Variants in LARGE1 observed in about 807,000 individuals in gnomAD.
The protein encoded by LARGE1 is LARGE xylosyl- and glucuronyltransferase 1, also known as xylosyl- and glucuronyltransferase LARGE1.
A neutral mutation model predicts 87.6 loss-of-function variants in LARGE1; 43 were observed. The observed-to-expected ratio is 0.49, with a 90% CI of 0.38 to 0.63. The LOEUF is 0.63. Ranked by LOEUF, LARGE1 falls within the 30% of genes least tolerant of loss-of-function variation. LARGE1 has a pLI of 0.00. For missense variants in LARGE1, 802 were observed against 1,000.2 expected, an observed-to-expected ratio of 0.80 and a Z score of 2.67; for synonymous variants, 434 against 394.6, an observed-to-expected ratio of 1.10 and a Z score of -1.18.
At chr22:33,514,236 T>A (rs1006369724) in intron 6 of LARGE1, among the ~76,000 whole-genome samples, 12 of 151,754 alleles carry the variant, frequency 7.9e-5, no homozygotes, top group Non-Finnish European at 1.8e-4. Context: ...ACTGTGTGTG[T>A]ATACATCTCA....
rs117767719 is a variant in LARGE1 at position 33,284,265 on chromosome 22, G to A, written c.1731-917C>T. Among the ~76,000 whole-genome samples, 69 of 152,288 alleles carry A rather than the reference G, an allele frequency of 4.5e-4. No individual in the cohort carries two copies. The East Asian group carries it at 9.6e-3, about 21-fold the overall frequency. On this transcript the variant is annotated intron_variant, in intron 12 of 14. Coordinates refer to ENST00000397394, the MANE Select transcript of LARGE1 (RefSeq NM_133642.5). ...GAGCAGGTGGACAGAGAGCCGATGA[G>A]AGAATCACCAAACTGGGCACTTTCA...
At chr22:33,370,018 C>A (rs914685821) in intron 9 of LARGE1, among the ~76,000 whole-genome samples, 8 of 151,992 alleles carry the variant, frequency 5.3e-5, no homozygotes, top group Non-Finnish European at 1.0e-4. Flanking sequence ...ACAACCTAGA[C>A]ATCTTTTGCA....
chr22:33,403,887 C>A (rs1001622144), intron 7 of LARGE1, among the ~76,000 whole-genome samples: 1 of 152,186 alleles, frequency 6.6e-6, no homozygotes. Flanking sequence ...CGTGAGCCAC[C>A]GCGCCCGGCC....
chr22:33,155,399 G>A, the LARGE1 span, among the ~76,000 whole-genome samples: 1 of 152,286 alleles, frequency 6.6e-6, no homozygotes. Flanking sequence ...GGTCTCAGAT[G>A]GAGATGAGGA....
At chr22:33,313,653 C>A (rs538017679) in intron 11 of LARGE1, among the ~76,000 whole-genome samples, 1 of 152,208 alleles carries the variant, frequency 6.6e-6, no homozygotes, top group East Asian at 1.9e-4. Context: ...TGGCTAGGAA[C>A]TGAGCGTGGC....
chr22:33,893,904 T>C (rs547874001), intron 1 of LARGE1, among the ~76,000 whole-genome samples: 1 of 152,246 alleles, frequency 6.6e-6, no homozygotes, highest in South Asian at 2.1e-4. Flanking sequence ...ACAGGGCACC[T>C]CCGCCCCTTT....
intron 6 of LARGE1, among the ~76,000 whole-genome samples, chr22:33,502,938 C>T (rs758295964): frequency 3.9e-5 from 6 of 152,154 alleles, no homozygotes; most frequent in Non-Finnish European, 7.3e-5. Flanking sequence ...CATCATATCT[C>T]ATTGAATCCT....
chr22:33,637,114 A>G (rs2080290316), intron 3 of LARGE1, among the ~76,000 whole-genome samples: 1 of 152,022 alleles, frequency 6.6e-6, no homozygotes, highest in African/African-American at 2.4e-5. Context: ...AAGGTGCCCA[A>G]TTCCCTCTGT....
At chr22:33,826,382 G>A (rs1205807218) in intron 1 of LARGE1, among the ~76,000 whole-genome samples, 3 of 144,826 alleles carry the variant, frequency 2.1e-5, no homozygotes, top group Non-Finnish European at 3.0e-5. Flanking sequence ...TCGCTCTGTC[G>A]CACAGGCTGG....
At chr22:33,115,875 A>G in the LARGE1 span, among the ~76,000 whole-genome samples, 2 of 151,140 alleles carry the variant, frequency 1.3e-5, no homozygotes, top group African/African-American at 2.4e-5. Flanking sequence ...AGGCCGTGTG[A>G]GAACACAGCA....
intron 10 of LARGE1, 40 bp downstream of exon 10, chr22:33,337,606 G>A (rs770456550): frequency 1.2e-6 from 2 of 1,612,512 alleles, no homozygotes; most frequent in East Asian, 4.5e-5. Context: ...GATGAGCAGA[G>A]AAGCCGCCCC....
chr22:33,440,510 T>C (rs2067428126), intron 6 of LARGE1, among the ~76,000 whole-genome samples: 4 of 152,222 alleles, frequency 2.6e-5, no homozygotes, highest in Admixed American at 2.6e-4. Flanking sequence ...GCCCTGACTG[T>C]CAGCAGAGAA....
chr22:33,502,022 A>G (rs2070464315), intron 6 of LARGE1, among the ~76,000 whole-genome samples: 1 of 151,882 alleles, frequency 6.6e-6, no homozygotes, highest in Non-Finnish European at 1.5e-5. Context: ...GTGAAACCCC[A>G]TCTCTCTATT....
chr22:33,609,581 G>T (rs2079368775), intron 4 of LARGE1, among the ~76,000 whole-genome samples: 1 of 152,170 alleles, frequency 6.6e-6, no homozygotes, highest in African/African-American at 2.4e-5. Flanking sequence ...AGTAACATGG[G>T]GTTGAACTGT....
At chr22:33,896,074 A>G (rs1247975131) in intron 1 of LARGE1, among the ~76,000 whole-genome samples, 1 of 152,188 alleles carries the variant, frequency 6.6e-6, no homozygotes, top group African/African-American at 2.4e-5. Context: ...TCTCCCCCTT[A>G]AAAGCTCACT....
intron 6 of LARGE1, among the ~76,000 whole-genome samples, chr22:33,547,245 G>A (rs2077386281): frequency 6.6e-6 from 1 of 152,032 alleles, no homozygotes; most frequent in Non-Finnish European, 1.5e-5. Context: ...GGGTAGGATG[G>A]TTTGGGGATG....
intron 11 of LARGE1, among the ~76,000 whole-genome samples, chr22:33,173,924 C>T (rs943454539): frequency 6.6e-5 from 10 of 152,126 alleles, no homozygotes; most frequent in Admixed American, 6.6e-4. Context: ...CAATATTAGA[C>T]AGATCAATGA....
At chr22:33,587,319 A>T (rs141272286) in intron 5 of LARGE1, among the ~76,000 whole-genome samples, 13 of 152,264 alleles carry the variant, frequency 8.5e-5, no homozygotes, top group African/African-American at 3.1e-4. Context: ...CCTGTATATA[A>T]TTTTTAAGAA....
intron 7 of LARGE1, among the ~76,000 whole-genome samples, chr22:33,407,255 G>A (rs1373807565): frequency 6.6e-6 from 1 of 152,082 alleles, no homozygotes; most frequent in African/African-American, 2.4e-5. Flanking sequence ...GAACTCTTGG[G>A]CTCCAGAGAT....
Sources: allele counts gnomAD v4.1 joint callset (sites outside exome capture counted in the v4.1 genomes callset), GRCh38; gene constraint gnomAD v4.1.1; transcripts MANE v1.5; gene names NCBI Gene and HGNC (gene_info 2026-07-23, HGNC 2026-07-21).